UBE2QL1: variants seen among roughly 807,000 people sequenced by gnomAD.
The protein encoded by UBE2QL1 is ubiquitin-conjugating enzyme E2Q-like protein 1.
Under a neutral mutation model 12.6 loss-of-function variants are expected in UBE2QL1, and 5 were observed. The ratio of observed to expected loss-of-function variants is 0.40; its 90% CI spans 0.21 to 0.83. The LOEUF is 0.83. Among genes scored for constraint, UBE2QL1 ranks in the 40% least tolerant of loss-of-function variants. The pLI is 0.37. For synonymous variants in UBE2QL1, 96 were observed against 94.5 expected (o/e 1.02, Z -0.10); for missense variants, 99 against 222.6 (o/e 0.44, Z 3.53).
Position 6,495,314 on chromosome 5 carries a change from T to C in UBE2QL1, c.*3965T>C, listed in dbSNP as rs1734647780. On this transcript the variant is annotated 3_prime_UTR_variant, in exon 2 of 2. Transcript: ENST00000399816. ...ATTATATTTCAGTGTACCCATCCAA[T>C]AGCATGCGAAATTTTAATGGAATTT... 6.6e-6 allele frequency among the ~76,000 whole-genome samples: 1 copy of C among 152,158 alleles called. No individual in the cohort carries two copies. The highest frequency in any genetic ancestry group is 2.4e-5 in the African/African-American group (1 of 41,422).
At chr5:6,449,341 GCCC>G in intron 1 of UBE2QL1, 94 bp downstream of exon 1, 1 of 1,181,056 alleles carries the variant, frequency 8.5e-7, no homozygotes, top group Non-Finnish European at 1.1e-6. Flanking sequence ...GCCAGCGCCG[GCCC>G]CTCCGGCCAT....
intron 1 of UBE2QL1, among the ~76,000 whole-genome samples, chr5:6,484,425 C>T (rs1038175785): frequency 1.8e-4 from 27 of 152,192 alleles, no homozygotes; most frequent in African/African-American, 6.5e-4. Context: ...CACGCATGCT[C>T]TTCTGCGGTG....
At chr5:6,483,694 T>C (rs1734410326) in intron 1 of UBE2QL1, among the ~76,000 whole-genome samples, 1 of 152,228 alleles carries the variant, frequency 6.6e-6, no homozygotes, top group Admixed American at 6.5e-5. Flanking sequence ...GTGCATTTTT[T>C]CTGCAGAAAC....
intron 1 of UBE2QL1, among the ~76,000 whole-genome samples, chr5:6,475,954 A>T (rs931518791): frequency 1.3e-5 from 2 of 152,152 alleles, no homozygotes; most frequent in African/African-American, 4.8e-5. Context: ...GCTGGATTTA[A>T]CCCCAAGACC....
intron 1 of UBE2QL1, among the ~76,000 whole-genome samples, chr5:6,487,627 T>C (rs1167896864): frequency 6.6e-6 from 1 of 152,212 alleles, no homozygotes; most frequent in Non-Finnish European, 1.5e-5. Flanking sequence ...TGATTATTAG[T>C]TAAATAGAAA....
intron 1 of UBE2QL1, among the ~76,000 whole-genome samples, chr5:6,480,248 G>C (rs1282671451): frequency 6.6e-6 from 1 of 152,200 alleles, no homozygotes; most frequent in Non-Finnish European, 1.5e-5. Context: ...CTTCCTAGCT[G>C]AGTGACTCCA....
chr5:6,480,236 C>T (rs940656442), intron 1 of UBE2QL1, among the ~76,000 whole-genome samples: 8 of 152,232 alleles, frequency 5.3e-5, no homozygotes, highest in African/African-American at 1.9e-4. Flanking sequence ...GGCCCTTGGC[C>T]ACTTCCTAGC....
In UBE2QL1 at chr5:6,479,939, T is replaced by C. The variant is rs1456923636; in HGVS notation, c.355-11279T>C. On this transcript the variant is annotated intron_variant, in intron 1 of 1. Coordinates refer to ENST00000399816, the MANE Select transcript of UBE2QL1 (RefSeq NM_001145161.3). This position sits in a 1 kb window ranked among gnomAD's most constrained non-coding sequence, Gnocchi z 4.2. ...TCAGGGCCCTGATCATCTCGGGGCT[T>C]ACATAAACCATGTGGCAAATGACAG... 6.6e-6 allele frequency among the ~76,000 whole-genome samples: 1 copy of C among 152,144 alleles called. No individual in the cohort carries two copies. The highest frequency in any genetic ancestry group is 1.5e-5 in the Non-Finnish European group (1 of 68,018).
chr5:6,457,305 C>T (rs910211204), intron 1 of UBE2QL1, among the ~76,000 whole-genome samples: 2 of 152,040 alleles, frequency 1.3e-5, no homozygotes, highest in Non-Finnish European at 2.9e-5. Flanking sequence ...GCCCCAACTT[C>T]TCTGCAAACA....
At chr5:6,465,053 C>A (rs1739756757) in intron 1 of UBE2QL1, among the ~76,000 whole-genome samples, 1 of 150,596 alleles carries the variant, frequency 6.6e-6, no homozygotes, top group South Asian at 2.1e-4. Context: ...AGTGCACAAT[C>A]TCGGCTCATT....
chr5:6,469,277 C>G (rs1454104422), intron 1 of UBE2QL1, among the ~76,000 whole-genome samples: 1 of 152,100 alleles, frequency 6.6e-6, no homozygotes, highest in African/African-American at 2.4e-5. Context: ...CCAGGCCAAT[C>G]CATTCCAGAT....
intron 1 of UBE2QL1, among the ~76,000 whole-genome samples, chr5:6,459,931 G>GAGTGCA (rs1739615050): frequency 6.6e-6 from 1 of 152,068 alleles, no homozygotes; most frequent in African/African-American, 2.4e-5. Context: ...TATATACCCG[G>GAGTGCA]AGGAGTGCAT....
In UBE2QL1 at chr5:6,479,505, G is replaced by A. The variant is rs1337748296; in HGVS notation, c.355-11713G>A. ...TGTGCCTTAATGGAGCCAAGTCCAA[G>A]GAGTAAAATGTTGAAGCAAATGAAG... On this transcript the variant is annotated intron_variant, in intron 1 of 1. Transcript: ENST00000399816. The surrounding 1 kb of genome is among the most constrained non-coding windows in gnomAD (Gnocchi z 4.2). 2.2e-4 allele frequency among the ~76,000 whole-genome samples: 34 copies of A among 152,168 alleles called. No homozygotes were observed. The highest frequency in any genetic ancestry group is 2.2e-3 in the Admixed American group (33 of 15,278).
At chr5:6,482,377 C>T (rs894419796) in intron 1 of UBE2QL1, among the ~76,000 whole-genome samples, 1 of 152,202 alleles carries the variant, frequency 6.6e-6, no homozygotes, top group Non-Finnish European at 1.5e-5. Context: ...CCTCCACCCC[C>T]CAGCAAGCTC....
intron 1 of UBE2QL1, among the ~76,000 whole-genome samples, chr5:6,477,871 T>C (rs985304792): frequency 6.6e-6 from 1 of 152,200 alleles, no homozygotes; most frequent in Non-Finnish European, 1.5e-5. Flanking sequence ...AAGTTGCAGC[T>C]TCACTCAGTG....
At position 6,449,070 on chromosome 5, in the gene UBE2QL1, C is replaced by A; in HGVS notation, c.177C>A (p.Pro59=). ...TCATCCTGCTCAACCTCACCTTCCCCGACAACTTCCCCTTCTCGCCGCCCT... is the reference window on the plus strand; with the variant it reads ...TCATCCTGCTCAACCTCACCTTCCCAGACAACTTCCCCTTCTCGCCGCCCT... ...TEFILLNLTF[P]DNFPFSPPFM... Residue 59 remains proline (P), a synonymous_variant, in exon 1 of 2, where the codon CCC becomes CCA. Coordinates refer to ENST00000399816, the MANE Select transcript of UBE2QL1 (RefSeq NM_001145161.3). The A allele has an allele frequency of 6.5e-7, 1 of 1,548,910 alleles. No individual in the cohort carries two copies. The highest frequency in any genetic ancestry group is 8.7e-7 in the Non-Finnish European group (1 of 1,145,802).
intron 1 of UBE2QL1, among the ~76,000 whole-genome samples, chr5:6,462,460 C>T (rs535052821): frequency 1.5e-3 from 230 of 152,262 alleles, no homozygotes; most frequent in Admixed American, 5.4e-3. Flanking sequence ...CTCATGCTCC[C>T]GAGGGTGGCA....
In UBE2QL1 at chr5:6,476,976, C is replaced by A. The variant is rs942537280; in HGVS notation, c.355-14242C>A. ...TTCACCCCATCCTCCCCAGGATGGC[C>A]CACATGGAAGCCCACAGACCACCAG... On this transcript the variant is annotated intron_variant, in intron 1 of 1. Transcript: ENST00000399816. This position sits in a 1 kb window ranked among gnomAD's most constrained non-coding sequence, Gnocchi z 4.9. 2.0e-5 allele frequency among the ~76,000 whole-genome samples: 3 copies of A among 152,134 alleles called. No homozygotes were observed. Among genetic ancestry groups the A allele is most frequent in the Non-Finnish European group, 2.9e-5 (2 of 68,038 alleles).
At chr5:6,482,895 C>G (rs544758241) in intron 1 of UBE2QL1, among the ~76,000 whole-genome samples, 1 of 152,200 alleles carries the variant, frequency 6.6e-6, no homozygotes, top group East Asian at 1.9e-4. Context: ...CAGAGGCACT[C>G]TCATCTAGAG....
Sources: gnomAD v4.1 joint callset for allele counts (sites outside exome capture counted in the v4.1 genomes callset) on GRCh38, gnomAD v4.1.1 for gene constraint, Gnocchi (gnomAD v3.1) non-coding constraint, MANE v1.5 for transcripts, NCBI Gene and HGNC (gene_info 2026-07-23, HGNC 2026-07-21) for gene names.